The following ARHGEF10 variants were observed in gnomAD, a reference collection of about 807,000 sequenced individuals.
ARHGEF10 encodes Rho guanine nucleotide exchange factor (GEF) 10.
ARHGEF10 carries 140 observed loss-of-function variants against 147.4 expected under a neutral mutation model. That is an observed-to-expected ratio of 0.95 (90% CI 0.83 to 1.09). The LOEUF is 1.09. Among genes scored for constraint, ARHGEF10 ranks in the 50% least tolerant of loss-of-function variants. The pLI is 0.00. For synonymous variants in ARHGEF10, 902 were observed against 695.8 expected (o/e 1.30, Z -4.67); for missense variants, 2,222 against 1,752.7 (o/e 1.27, Z -4.78).
rs904134171 is a variant in ARHGEF10, at chr8:1,948,869, C to T, written c.3397+3214C>T. 2.0e-5 allele frequency among the ~76,000 whole-genome samples: 3 copies of T among 152,112 alleles called. No individual in the cohort carries two copies. Among genetic ancestry groups the T allele is most frequent in the Non-Finnish European group, 4.4e-5 (3 of 68,020 alleles). On this transcript the variant is annotated intron_variant, in intron 27 of 28. Coordinates refer to ENST00000349830, the MANE Select transcript of ARHGEF10 (RefSeq NM_014629.4). The surrounding 1 kb of genome is among the most constrained non-coding windows in gnomAD (Gnocchi z 4.9). ...TGCTGAAGTGCGCGGATGCTGAGGTCGCCGGGCCGTCACTGCTCCTGGGTT... is the reference window on the plus strand; with the variant it reads ...TGCTGAAGTGCGCGGATGCTGAGGTTGCCGGGCCGTCACTGCTCCTGGGTT...
intron 1 of ARHGEF10, among the ~76,000 whole-genome samples, chr8:1,842,047 CCGCGGCGGGAACTGGGGCCGCGGCG>C (rs1804129389): frequency 7.8e-6 from 1 of 128,940 alleles, no homozygotes; most frequent in Non-Finnish European, 1.7e-5. Context: ...GGAACTGGGG[CCGCGGCGGGAACTGGGGCCGCGGCG>C]GGAACTGGGG....
At chr8:1,857,783 CTAA>C in intron 2 of ARHGEF10, among the ~76,000 whole-genome samples, 174 bp from the exon 3 acceptor site, 1 of 152,122 alleles carries the variant, frequency 6.6e-6, no homozygotes, top group East Asian at 1.9e-4. Flanking sequence ...ACTCAGAATT[CTAA>C]TGATACTTAT....
At chr8:1,947,684 G>T (rs1162551455) in intron 27 of ARHGEF10, among the ~76,000 whole-genome samples, 1 of 22,320 alleles carries the variant, frequency 4.5e-5, no homozygotes, top group African/African-American at 1.9e-4. Context: ...ACCCCACCCC[G>T]CATTCAGCAC....
intron 4 of ARHGEF10, among the ~76,000 whole-genome samples, chr8:1,861,399 A>G (rs1048631165): frequency 1.8e-4 from 28 of 152,328 alleles, no homozygotes; most frequent in Middle Eastern, 3.4e-3. Flanking sequence ...GGGTAAGCAC[A>G]TACCCTGCCT....
At chr8:1,894,607 C>A (rs749169526) in intron 13 of ARHGEF10, 35 bp downstream of exon 13, 1 of 1,603,952 alleles carries the variant, frequency 6.2e-7, no homozygotes, top group Non-Finnish European at 8.5e-7. Flanking sequence ...GTCCATGGGG[C>A]TCTCCATGCA....
At chr8:1,922,803 A>C (rs569582984) in intron 18 of ARHGEF10, among the ~76,000 whole-genome samples, 161 bp from the exon 19 acceptor site, 1 of 152,356 alleles carries the variant, frequency 6.6e-6, no homozygotes, top group East Asian at 1.9e-4. Flanking sequence ...TTAGAAAAGG[A>C]AAAACCACTA....
At chr8:1,888,055 G>C (rs113491495) in intron 11 of ARHGEF10, among the ~76,000 whole-genome samples, 209 of 132,508 alleles carry the variant, frequency 1.6e-3, no homozygotes, top group East Asian at 2.8e-3. Flanking sequence ...TTAGGAGACA[G>C]TGAGTGGGAT....
At chr8:1,890,095 G>A (rs1420540064) in intron 11 of ARHGEF10, among the ~76,000 whole-genome samples, 1 of 149,164 alleles carries the variant, frequency 6.7e-6, no homozygotes, top group African/African-American at 2.5e-5. Context: ...GGGTCTGTGA[G>A]GAGTCACCGA....
At chr8:1,888,827 GGA>G (rs1809069626) in intron 11 of ARHGEF10, among the ~76,000 whole-genome samples, 1 of 116,172 alleles carries the variant, frequency 8.6e-6, no homozygotes, top group African/African-American at 5.0e-5. Flanking sequence ...AGAGTTATGA[GGA>G]GACACTGAAT....
intron 27 of ARHGEF10, among the ~76,000 whole-genome samples, chr8:1,946,376 G>T (rs975173070): frequency 6.6e-6 from 1 of 152,350 alleles, no homozygotes; most frequent in East Asian, 1.9e-4. Flanking sequence ...GCCACAGACG[G>T]GCTGGCTTAC....
rs74513766 is a variant in ARHGEF10, at chr8:1,860,247, C to T, written c.481+63C>T. 4.2e-4 allele frequency: 636 copies of T among 1,509,858 alleles called. 3 individuals carry two copies. In the African/African-American group the frequency reaches 6.1e-3, roughly 14 times the overall value. The allele number at this position is 1,509,858 out of a possible 1,614,324, so 93.5% of individuals were successfully genotyped here. On this transcript the variant is annotated intron_variant, in intron 4 of 28. Coordinates refer to ENST00000349830, the MANE Select transcript of ARHGEF10 (RefSeq NM_014629.4). ...TGTGGTTCCCTCCTCTCCACGCCCC[C>T]GAAGTGGCCTGTGGTTCCCTCCTCT...
chr8:1,853,411 G>T (rs1414342518), intron 2 of ARHGEF10, among the ~76,000 whole-genome samples: 1 of 152,250 alleles, frequency 6.6e-6, no homozygotes, highest in East Asian at 1.9e-4. Context: ...CTTTTTGAAA[G>T]ATCCATGTCG....
Position 1,851,497 on chromosome 8 carries a change from G to C in ARHGEF10, c.38-6463G>C, listed in dbSNP as rs1805147010. ...CAACAAGTGTTCCACTCTGGCAAAG[G>C]ATGGGGGATAGTGTTGGGGGAGGCT... On this transcript the variant is annotated intron_variant, in intron 2 of 28. Transcript: ENST00000349830. Among the ~76,000 whole-genome samples the C allele has an allele frequency of 1.3e-5, 2 of 151,920 alleles. 1 individual carries two copies. The highest frequency in any genetic ancestry group is 4.1e-4 in the South Asian group (2 of 4,824).
chr8:1,892,836 A>G (rs145399329), intron 11 of ARHGEF10, among the ~76,000 whole-genome samples: 19 of 152,306 alleles, frequency 1.2e-4, no homozygotes, highest in African/African-American at 3.6e-4. Flanking sequence ...TGGAAGTACA[A>G]TGATCACTAG....
At chr8:1,906,367 A>G (rs1157671626) in intron 17 of ARHGEF10, among the ~76,000 whole-genome samples, 5 of 152,190 alleles carry the variant, frequency 3.3e-5, no homozygotes, top group African/African-American at 4.8e-5. Context: ...CAGAGTTTTG[A>G]GATCCAGTTG....
At chr8:1,892,554 G>A (rs553900874) in intron 11 of ARHGEF10, among the ~76,000 whole-genome samples, 2 of 151,736 alleles carry the variant, frequency 1.3e-5, no homozygotes, top group Non-Finnish European at 2.9e-5. Context: ...CTCTTTGCCC[G>A]CTAGGTGGCA....
chr8:1,911,102 A>T (rs1811321131), intron 18 of ARHGEF10, among the ~76,000 whole-genome samples: 1 of 152,248 alleles, frequency 6.6e-6, no homozygotes, highest in Admixed American at 6.5e-5. Context: ...TATCAGCCAC[A>T]GCAAGAGGAG....
intron 25 of ARHGEF10, among the ~76,000 whole-genome samples, chr8:1,932,630 G>C (rs1282958995): frequency 6.6e-6 from 1 of 152,162 alleles, no homozygotes; most frequent in East Asian, 1.9e-4. Flanking sequence ...TGTTCACTGG[G>C]GCTAATAATT....
At chr8:1,930,694 C>T (rs185498245) in intron 25 of ARHGEF10, among the ~76,000 whole-genome samples, 82 of 152,308 alleles carry the variant, frequency 5.4e-4, no homozygotes, top group African/African-American at 1.9e-3. Context: ...TGTTATTTGC[C>T]CCCGGACTTT....
Sources: gnomAD v4.1 joint callset for allele counts (sites outside exome capture counted in the v4.1 genomes callset) on GRCh38, gnomAD v4.1.1 for gene constraint, Gnocchi (gnomAD v3.1) non-coding constraint, MANE v1.5 for transcripts, NCBI Gene and HGNC (gene_info 2026-07-23, HGNC 2026-07-21) for gene names.